Variants in RBM19 observed in about 807,000 individuals in gnomAD.
The protein encoded by RBM19 is RNA binding motif protein 19, also known as probable RNA-binding protein 19.
Under a neutral mutation model 116.8 loss-of-function variants are expected in RBM19, and 94 were observed. The observed-to-expected ratio is 0.80, with a 90% CI of 0.68 to 0.95. The LOEUF (loss-of-function observed/expected upper bound fraction) is 0.95, where lower values mean the gene tolerates loss of function less well. RBM19 is among the 40% of genes least tolerant of loss of function. The pLI is 0.00. For missense variants in RBM19, 1,161 were observed against 1,220.7 expected, an observed-to-expected ratio of 0.95 and a Z score of 0.73; for synonymous variants, 475 against 494.1, an observed-to-expected ratio of 0.96 and a Z score of 0.51.
At chr12:113,890,492 A>G (rs745543921) in intron 21 of RBM19, among the ~76,000 whole-genome samples, 21 of 152,324 alleles carry the variant, frequency 1.4e-4, no homozygotes, top group Admixed American at 7.8e-4. Context: ...CAGCTCGATA[A>G]TAACTCGAAA....
At position 113,920,620 on chromosome 12, in the gene RBM19, C is replaced by T. The variant is rs1868443945; in HGVS notation, c.2376G>A (p.Lys792=). ...AGAATCTTCACTTTACCTGGAGCTGCTTGAGAGCTTTCTGGGCTTGCTCCG... is the reference window on the plus strand; with the variant it reads ...AGAATCTTCACTTTACCTGGAGCTGTTTGAGAGCTTTCTGGGCTTGCTCCG... ...RKPEQAQKAL[K]QLQGHVVDGH... Residue 792 remains lysine, a synonymous_variant, in exon 19 of 24, where the codon AAG becomes AAA. Coordinates refer to ENST00000261741, the MANE Select transcript of RBM19 (RefSeq NM_016196.4). The T allele has an allele frequency of 6.2e-6, 10 of 1,614,030 alleles. No homozygotes were observed. Among genetic ancestry groups the T allele is most frequent in the Non-Finnish European group, 8.5e-6 (10 of 1,179,912 alleles).
intron 10 of RBM19, among the ~76,000 whole-genome samples, chr12:113,948,420 T>C (rs529482582): frequency 6.6e-5 from 10 of 152,280 alleles, no homozygotes; most frequent in African/African-American, 2.2e-4. Flanking sequence ...CTTTACATAA[T>C]TAAGAGTTCA....
chr12:113,911,045 G>T (rs1487312099), intron 21 of RBM19, among the ~76,000 whole-genome samples: 1 of 90,198 alleles, frequency 1.1e-5, no homozygotes, highest in Non-Finnish European at 2.1e-5. Flanking sequence ...AACCCAGATG[G>T]GGTGGCGGTG....
intron 23 of RBM19, among the ~76,000 whole-genome samples, chr12:113,836,105 T>A (rs1875860786): frequency 2.0e-5 from 3 of 152,192 alleles, no homozygotes; most frequent in Admixed American, 2.0e-4. Context: ...CTTTCTTCCC[T>A]CCTTGCTCTC....
intron 13 of RBM19, among the ~76,000 whole-genome samples, chr12:113,942,764 C>T (rs1870691018): frequency 6.6e-6 from 1 of 152,108 alleles, no homozygotes; most frequent in Admixed American, 6.5e-5. Context: ...ACGCACCCCA[C>T]CACTTCCAGC....
chr12:113,900,582 A>T (rs1881624536), intron 21 of RBM19, among the ~76,000 whole-genome samples: 1 of 152,180 alleles, frequency 6.6e-6, no homozygotes, highest in South Asian at 2.1e-4. Context: ...GTCAAGCAGC[A>T]GGGCCCAGGC....
chr12:113,838,614 C>T (rs191751222), intron 23 of RBM19, among the ~76,000 whole-genome samples: 1 of 152,286 alleles, frequency 6.6e-6, no homozygotes, highest in East Asian at 1.9e-4. Flanking sequence ...ATTTACCTCC[C>T]AGGATTCTGC....
intron 23 of RBM19, among the ~76,000 whole-genome samples, chr12:113,837,731 G>A (rs572682747): frequency 6.6e-6 from 1 of 152,260 alleles, no homozygotes; most frequent in Non-Finnish European, 1.5e-5. Flanking sequence ...TGGCTCTGTG[G>A]TCAGTAGCTG....
At position 113,959,948 on chromosome 12, in the gene RBM19, G is replaced by T. The variant is rs1342189081; in HGVS notation, c.340-45C>A. On this transcript the variant is annotated intron_variant, in intron 3 of 23. Transcript: ENST00000261741. ...AGAGTGAGGGTCACACAGATGAAGA[G>T]AGCTGGGAAACAGAACTGCACTGAC... 1.9e-6 allele frequency: 3 copies of T among 1,613,966 alleles called. No individual in the cohort carries two copies. In the East Asian group the frequency reaches 6.7e-5, roughly 36 times the overall value.
At chr12:113,939,793 C>T (rs1870392800) in intron 15 of RBM19, among the ~76,000 whole-genome samples, 167 bp downstream of exon 15, 1 of 152,034 alleles carries the variant, frequency 6.6e-6, no homozygotes, top group Non-Finnish European at 1.5e-5. Flanking sequence ...CCCATCCAGA[C>T]AGGTTTTCAG....
intron 16 of RBM19, among the ~76,000 whole-genome samples, chr12:113,936,384 T>A (rs1361481235): frequency 6.6e-6 from 1 of 152,200 alleles, no homozygotes; most frequent in African/African-American, 2.4e-5. Flanking sequence ...TAGGAATGCG[T>A]GGGGGTGTTC....
At chr12:113,854,259 G>T (rs960801514) in intron 22 of RBM19, among the ~76,000 whole-genome samples, 2 of 152,160 alleles carry the variant, frequency 1.3e-5, no homozygotes, top group African/African-American at 4.8e-5. Context: ...CCCTGCCAAA[G>T]ACGGGCTTCC....
At chr12:113,878,632 GAC>G (rs55868508) in intron 21 of RBM19, among the ~76,000 whole-genome samples, 25,516 of 137,660 alleles carry the variant, frequency 0.19, 2,318 homozygotes, top group Middle Eastern at 0.28. Flanking sequence ...CATTCTCCCT[GAC>G]ACACACACAC....
chr12:113,819,258 A>G (rs115807581), downstream of RBM19, among the ~76,000 whole-genome samples: 499 of 152,150 alleles, frequency 3.3e-3, 1 homozygote, highest in African/African-American at 0.011. Flanking sequence ...CCTCATCCAG[A>G]TGTGTGCCTC....
intron 23 of RBM19, among the ~76,000 whole-genome samples, chr12:113,842,575 G>A (rs1876587042): frequency 6.6e-6 from 1 of 152,244 alleles, no homozygotes; most frequent in Non-Finnish European, 1.5e-5. Flanking sequence ...GGGGACCCAG[G>A]GAAGAACTGA....
chr12:113,938,093 T>C (rs796851030), intron 15 of RBM19, among the ~76,000 whole-genome samples: 11 of 152,252 alleles, frequency 7.2e-5, no homozygotes, highest in African/African-American at 2.6e-4. Context: ...AGTCTTCTTG[T>C]CGGTGAAACA....
At position 113,957,877 on chromosome 12, in the gene RBM19, C is replaced by T. The variant is rs200807760; in HGVS notation, c.745G>A (p.Ala249Thr). 2.5e-5 allele frequency: 41 copies of T among 1,614,110 alleles called. No homozygotes were observed. In the East Asian group the frequency reaches 4.7e-4, roughly 18 times the overall value. The part of the protein sequence containing the change: ...GSEAEEEDSS[A>T]TPVLQERDSK... ...TCTCTTTCCTGCAGGACTGGGGTGG[C>T]GGAGGAATCCTCTTCCTCGGCCTCA... Residue 249 changes from alanine to threonine, a missense_variant, in exon 6 of 24, where the codon GCC becomes ACC. Physicochemically the swap from Ala to Thr is moderately conservative, Grantham distance 58 (BLOSUM62 0). Transcript: ENST00000261741.
Position 113,945,850 on chromosome 12 carries a change from G to T in RBM19, c.1604C>A (p.Thr535Asn), listed in dbSNP as rs199806319. 1.9e-6 allele frequency: 3 copies of T among 1,576,422 alleles called. No individual in the cohort carries two copies. The East Asian group carries it at 6.7e-5, about 35-fold the overall frequency. The change falls in exon 13 of 24, where the codon ACC becomes AAC. Residue 535 changes from threonine (T) to asparagine (N), a missense_variant. Coordinates refer to ENST00000261741, the MANE Select transcript of RBM19 (RefSeq NM_016196.4). ...CACGTGGTCAAACACTTGACTCTTG[G>T]TGGCGTTGTACTTCTGTGCGATGGC... ...ADAIAQKYNA[T>N]KSQVFDHETK... is the part of the protein sequence containing the mutation.
chr12:113,932,087 T>C (rs796330884), intron 16 of RBM19, among the ~76,000 whole-genome samples: 11 of 152,286 alleles, frequency 7.2e-5, no homozygotes, highest in African/African-American at 2.6e-4. Flanking sequence ...ATAGCCCTTA[T>C]TGTGATCGAG....
Sources: allele counts gnomAD v4.1 joint callset (sites outside exome capture counted in the v4.1 genomes callset), GRCh38; gene constraint gnomAD v4.1.1; transcripts MANE v1.5; gene names NCBI Gene and HGNC (gene_info 2026-07-23, HGNC 2026-07-21).